The following FHIP1A variants were observed in gnomAD, a reference collection of about 807,000 sequenced individuals.
FHIP1A encodes the protein FHF complex subunit HOOK interacting protein 1A, also known as FHF complex subunit HOOK-interacting protein 1A.
In FHIP1A, 61 loss-of-function variants were observed where a neutral mutation model predicts 88.6. The observed-to-expected ratio is 0.69, with a 90% CI of 0.56 to 0.85. The LOEUF (loss-of-function observed/expected upper bound fraction) is 0.85. Ranked by LOEUF, FHIP1A falls within the 40% of genes least tolerant of loss-of-function variation. The pLI, the probability that FHIP1A is intolerant of heterozygous loss-of-function variation, is 0.00. For synonymous variants in FHIP1A, 478 were observed against 496.0 expected (o/e 0.96, Z 0.48); for missense variants, 1,154 against 1,273.5 (o/e 0.91, Z 1.43).
At chr4:151,503,670 G>T (rs546372187) in intron 3 of FHIP1A, among the ~76,000 whole-genome samples, 1 of 152,084 alleles carries the variant, frequency 6.6e-6, no homozygotes, top group African/African-American at 2.4e-5. Context: ...GGGAATACTT[G>T]GTTACAATCC....
At chr4:151,613,347 T>C (rs536571602) in intron 7 of FHIP1A, among the ~76,000 whole-genome samples, 1 of 152,356 alleles carries the variant, frequency 6.6e-6, no homozygotes, top group South Asian at 2.1e-4. Context: ...CAATGGAGAT[T>C]TTAAATCTTT....
At chr4:151,442,277 C>G (rs1173026692) in intron 1 of FHIP1A, among the ~76,000 whole-genome samples, 3 of 151,930 alleles carry the variant, frequency 2.0e-5, no homozygotes, top group Non-Finnish European at 4.4e-5. Flanking sequence ...ACAATAGATA[C>G]CTGCTGTTTT....
chr4:151,552,222 TTGG>T (rs1365870908), intron 3 of FHIP1A, among the ~76,000 whole-genome samples: 1 of 152,190 alleles, frequency 6.6e-6, no homozygotes, highest in Non-Finnish European at 1.5e-5. Flanking sequence ...TTTTCCACTG[TTGG>T]TGGGACTGTA....
rs1178179331 is a variant in FHIP1A, at chr4:151,669,577, C to T, written c.*6823C>T. On this transcript the variant is annotated 3_prime_UTR_variant, in exon 14 of 14. Transcript: ENST00000435205. ...GATCCTGTCAGACTCCAGTCTCAGA[C>T]CACCTTTGCCCATTTGTAATTCAGA... is the stretch of plus-strand genomic sequence containing the variant. Among the ~76,000 whole-genome samples the T allele has an allele frequency of 1.3e-5, 2 of 152,200 alleles. No individual in the cohort carries two copies. The highest frequency in any genetic ancestry group is 2.9e-5 in the Non-Finnish European group (2 of 68,038).
chr4:151,604,660 C>T (rs999964120), intron 7 of FHIP1A, among the ~76,000 whole-genome samples: 10 of 152,018 alleles, frequency 6.6e-5, no homozygotes, highest in East Asian at 1.9e-4. Flanking sequence ...ACCAGCTTGG[C>T]CAACACAGTG....
intron 1 of FHIP1A, among the ~76,000 whole-genome samples, chr4:151,429,137 A>G (rs1257404610): frequency 3.3e-5 from 5 of 151,196 alleles, no homozygotes; most frequent in Non-Finnish European, 7.4e-5. Context: ...ATCACTATGT[A>G]TCTTTTTTTC....
intron 3 of FHIP1A, among the ~76,000 whole-genome samples, chr4:151,520,134 G>T (rs1175908187): frequency 6.6e-6 from 1 of 152,112 alleles, no homozygotes; most frequent in African/African-American, 2.4e-5. Flanking sequence ...TCTGTGGCCT[G>T]TTGCCACATG....
chr4:151,655,629 C>T lies in FHIP1A; in HGVS notation c.2552-603C>T, dbSNP rs543603586. On this transcript the variant is annotated intron_variant, in intron 11 of 13. Transcript: ENST00000435205. Reference sequence around the variant, plus strand: ...TATAAGCAGGGGCTCCTCCACCTCTCACCTATTTTTTTTTATTGTTCCACA... The same window carrying T: ...TATAAGCAGGGGCTCCTCCACCTCTTACCTATTTTTTTTTATTGTTCCACA... Among the ~76,000 whole-genome samples the T allele has an allele frequency of 8.5e-5, 13 of 152,278 alleles. No individual in the cohort carries two copies. In the South Asian group the frequency reaches 2.7e-3, roughly 32 times the overall value.
chr4:151,489,127 A>C (rs1227994951), intron 3 of FHIP1A, among the ~76,000 whole-genome samples: 1 of 152,220 alleles, frequency 6.6e-6, no homozygotes, highest in Admixed American at 6.5e-5. Flanking sequence ...GAGGAGGAGA[A>C]GTCTGCCTCT....
At chr4:151,547,863 G>T (rs557704159) in intron 3 of FHIP1A, among the ~76,000 whole-genome samples, 1 of 151,552 alleles carries the variant, frequency 6.6e-6, no homozygotes, top group African/African-American at 2.4e-5. Context: ...GCAGTGAGCC[G>T]AAATTGCACC....
chr4:151,451,592 C>T (rs186976792), intron 1 of FHIP1A, among the ~76,000 whole-genome samples: 28 of 152,202 alleles, frequency 1.8e-4, no homozygotes, highest in Admixed American at 1.8e-3. Flanking sequence ...TGAAAGCACA[C>T]CAAGAACTAC....
At position 151,668,879 on chromosome 4, in the gene FHIP1A, G is replaced by A. The variant is rs1737759024; in HGVS notation, c.*6125G>A. Among the ~76,000 whole-genome samples, 1 of 152,176 alleles carries A rather than the reference G, an allele frequency of 6.6e-6. No homozygotes were observed. Among genetic ancestry groups the A allele is most frequent in the Non-Finnish European group, 1.5e-5 (1 of 68,022 alleles). On this transcript the variant is annotated 3_prime_UTR_variant, in exon 14 of 14. Coordinates refer to ENST00000435205, the MANE Select transcript of FHIP1A (RefSeq NM_001109977.3). ...TTCAAGCCAGCCTGGGGCAGAGCCA[G>A]TTTTCCAGCACACTTCTAACTTCTA...
intron 7 of FHIP1A, among the ~76,000 whole-genome samples, chr4:151,589,169 C>T (rs1734332691): frequency 6.6e-6 from 1 of 152,126 alleles, no homozygotes; most frequent in African/African-American, 2.4e-5. Flanking sequence ...CCTAAAGGAA[C>T]ATTGGCAGAT....
At chr4:151,481,180 T>G (rs1729882601) in intron 2 of FHIP1A, among the ~76,000 whole-genome samples, 1 of 152,098 alleles carries the variant, frequency 6.6e-6, no homozygotes, top group African/African-American at 2.4e-5. Context: ...TTCTTTTGCA[T>G]AAGTAGTTGT....
At chr4:151,490,130 C>T (rs1053260201) in intron 3 of FHIP1A, among the ~76,000 whole-genome samples, 1 of 152,196 alleles carries the variant, frequency 6.6e-6, no homozygotes, top group Non-Finnish European at 1.5e-5. Flanking sequence ...CCACTACCTG[C>T]AACACCCTGG....
At chr4:151,476,403 C>T (rs1729707583) in intron 2 of FHIP1A, among the ~76,000 whole-genome samples, 1 of 152,022 alleles carries the variant, frequency 6.6e-6, no homozygotes, top group Non-Finnish European at 1.5e-5. Flanking sequence ...CTCACCTCAT[C>T]CTCCAGAAGT....
At chr4:151,593,054 T>A (rs1329358424) in intron 7 of FHIP1A, among the ~76,000 whole-genome samples, 1 of 152,204 alleles carries the variant, frequency 6.6e-6, no homozygotes, top group Non-Finnish European at 1.5e-5. Flanking sequence ...GTTAGGTTTG[T>A]CGAAGATTAG....
intron 7 of FHIP1A, among the ~76,000 whole-genome samples, chr4:151,615,992 G>A (rs561942570): frequency 2.6e-5 from 4 of 152,188 alleles, no homozygotes; most frequent in South Asian, 2.1e-4. Flanking sequence ...TCCTGTGCAG[G>A]GTTCTCTGTT....
rs1491201547 is a variant in FHIP1A at position 151,443,683 on chromosome 4, C to CTGTGTGTGTGTG, written c.-355-11017_-355-11016insGTGTGTGTGTGT. Among the ~76,000 whole-genome samples the CTGTGTGTGTGTG allele has an allele frequency of 3.1e-4, 16 of 51,970 alleles. No homozygotes were observed. In the East Asian group the frequency reaches 7.6e-3, roughly 25 times the overall value. 34.1% of individuals were successfully genotyped at this position (51,970 alleles called of 152,430 possible). ...CTGAGTGAGAATTCTAAATGAAGCA[C>CTGTGTGTGTGTG]TCTGTGTGTGTGTGTGTGTGTGTGT... is the stretch of plus-strand genomic sequence containing the variant. On this transcript the variant is annotated intron_variant, in intron 1 of 13. Transcript: ENST00000435205.
Sources: gnomAD v4.1 joint callset for allele counts (sites outside exome capture counted in the v4.1 genomes callset) on GRCh38, gnomAD v4.1.1 for gene constraint, MANE v1.5 for transcripts, NCBI Gene and HGNC (gene_info 2026-07-23, HGNC 2026-07-21) for gene names.